SUMF1: variants seen among roughly 807,000 people sequenced by gnomAD.
The protein encoded by SUMF1 is sulfatase modifying factor 1, also known as formylglycine-generating enzyme.
A neutral mutation model predicts 47.6 loss-of-function variants in SUMF1; 48 were observed. The ratio of observed to expected loss-of-function variants is 1.01; its 90% confidence interval spans 0.80 to 1.28. The LOEUF is 1.28. Ranked by LOEUF, SUMF1 falls within the 50% of genes most tolerant of loss-of-function variation. SUMF1 has a pLI of 0.00. For synonymous variants in SUMF1, 230 were observed against 192.1 expected (o/e 1.20, Z -1.63); for missense variants, 571 against 485.4 (o/e 1.18, Z -1.66).
chr3:4,077,824 A>C (rs776117558), intron 8 of SUMF1, among the ~76,000 whole-genome samples: 6 of 152,152 alleles, frequency 3.9e-5, no homozygotes, highest in Non-Finnish European at 7.4e-5. Flanking sequence ...ACTGGCATTA[A>C]ACTATATAAG....
intron 8 of SUMF1, among the ~76,000 whole-genome samples, chr3:4,112,092 A>G (rs1169428782): frequency 1.3e-5 from 2 of 152,054 alleles, no homozygotes; most frequent in Non-Finnish European, 2.9e-5. Context: ...TTCTAATCTG[A>G]GACAAAAAGA....
At chr3:4,074,344 G>T (rs939806575) in intron 8 of SUMF1, among the ~76,000 whole-genome samples, 1 of 152,156 alleles carries the variant, frequency 6.6e-6, no homozygotes, top group Non-Finnish European at 1.5e-5. Flanking sequence ...AAAGCAGTGT[G>T]TAGAGGGAAA....
intron 3 of SUMF1, among the ~76,000 whole-genome samples, chr3:4,439,707 T>C (rs986602256): frequency 1.3e-5 from 2 of 151,780 alleles, no homozygotes; most frequent in African/African-American, 4.8e-5. Context: ...CTTTCTTAAA[T>C]TTCTTTTTAT....
Position 4,361,619 on chromosome 3 carries a change from G to A in SUMF1, c.*525C>T. The A allele has an allele frequency of 6.0e-6, 1 of 165,842 alleles. No homozygotes were observed. The highest frequency in any genetic ancestry group is 1.3e-5 in the Non-Finnish European group (1 of 75,014). 10.3% of individuals were successfully genotyped at this position (165,842 alleles called of 1,614,324 possible). A position where few individuals can be genotyped will look rare whatever the true frequency, so the allele number is the denominator to read the frequency against. On this transcript the variant is annotated 3_prime_UTR_variant, in exon 9 of 9. Transcript: ENST00000272902. The stretch of plus-strand genomic sequence containing the variant: ...ACATAAGAGAACTCTTACTTTACAT[G>A]ATTAGTATCACTCAAGGTTCACACA...
intron 9 of SUMF1, among the ~76,000 whole-genome samples, chr3:4,056,357 C>A (rs1345438352): frequency 6.6e-6 from 1 of 151,986 alleles, no homozygotes; most frequent in Non-Finnish European, 1.5e-5. Flanking sequence ...AAATAAATCC[C>A]AAAATTAAAT....
intron 7 of SUMF1, among the ~76,000 whole-genome samples, chr3:4,380,250 T>C (rs529580925): frequency 6.6e-6 from 1 of 152,326 alleles, no homozygotes; most frequent in African/African-American, 2.4e-5. Context: ...TAAAAAAGAA[T>C]GACTCATGTC....
At chr3:4,153,522 GTT>G (rs66765266) in intron 8 of SUMF1, among the ~76,000 whole-genome samples, 12 of 145,536 alleles carry the variant, frequency 8.2e-5, no homozygotes, top group South Asian at 2.2e-4. Context: ...CGCCTTGTAG[GTT>G]TTTTTTTTTT....
chr3:4,304,682 C>G (rs1698112935), intron 8 of SUMF1, among the ~76,000 whole-genome samples: 1 of 152,178 alleles, frequency 6.6e-6, no homozygotes, highest in East Asian at 1.9e-4. Context: ...TCTGCCCTTT[C>G]TTTTTCCTAG....
At chr3:4,217,973 G>C (rs886928494) in intron 8 of SUMF1, among the ~76,000 whole-genome samples, 1 of 152,048 alleles carries the variant, frequency 6.6e-6, no homozygotes, top group Admixed American at 6.6e-5. Context: ...TGTTACTTCA[G>C]TCAAAACATT....
intron 8 of SUMF1, among the ~76,000 whole-genome samples, chr3:4,338,279 T>G (rs756447908): frequency 6.7e-6 from 1 of 149,062 alleles, no homozygotes; most frequent in Non-Finnish European, 1.5e-5. Flanking sequence ...GTCTCTTTAT[T>G]AAAAAGAAAA....
intron 8 of SUMF1, among the ~76,000 whole-genome samples, chr3:4,326,187 C>T (rs1338635220): frequency 6.6e-6 from 1 of 152,182 alleles, no homozygotes; most frequent in Non-Finnish European, 1.5e-5. Context: ...CACAGAAAGA[C>T]CAATTTATTT....
At position 4,255,796 on chromosome 3, in the gene SUMF1, A is replaced by G. The variant is rs1265883406; in HGVS notation, c.1014+120534T>C. On this transcript the variant is annotated intron_variant and NMD_transcript_variant, in intron 8 of 12. Transcript: ENST00000448413. ...GACATCTACAGAACTCTCCACCCCA[A>G]ATCAACAGAATATACATTTTTTTCA... Among the ~76,000 whole-genome samples, 5 of 104,566 alleles carry G rather than the reference A, an allele frequency of 4.8e-5. 1 individual carries two copies. The highest frequency in any genetic ancestry group is 1.8e-4 in the Admixed American group (2 of 10,882). The allele number at this position is 104,566 out of a possible 152,430, so 68.6% of individuals were successfully genotyped here.
chr3:4,158,002 A>G (rs887052229), intron 8 of SUMF1, among the ~76,000 whole-genome samples: 3 of 151,518 alleles, frequency 2.0e-5, no homozygotes, highest in Non-Finnish European at 2.9e-5. Flanking sequence ...AAAAGCATTT[A>G]TTTCATTTAA....
intron 8 of SUMF1, among the ~76,000 whole-genome samples, chr3:4,136,254 C>T (rs1274951951): frequency 3.3e-5 from 5 of 152,146 alleles, no homozygotes; most frequent in Non-Finnish European, 7.4e-5. Context: ...ACCAAAACAG[C>T]ATGGTACTGG....
chr3:4,413,615 A>ATGAAT (rs1249390899), intron 6 of SUMF1, among the ~76,000 whole-genome samples: 16 of 152,218 alleles, frequency 1.1e-4, no homozygotes, highest in African/African-American at 3.9e-4. Flanking sequence ...CTCCTGGCAC[A>ATGAAT]TTTTCAGATG....
intron 8 of SUMF1, among the ~76,000 whole-genome samples, chr3:4,322,242 T>C (rs550985621): frequency 1.3e-5 from 2 of 152,278 alleles, no homozygotes; most frequent in East Asian, 1.9e-4. Flanking sequence ...CTATGGTCTT[T>C]AGTTAATGAT....
chr3:4,335,960 C>CAAAAAAAAACAA (rs1553558763), intron 8 of SUMF1, among the ~76,000 whole-genome samples: 4 of 73,898 alleles, frequency 5.4e-5, no homozygotes, highest in Non-Finnish European at 9.3e-5. Flanking sequence ...GATTCCAACT[C>CAAAAAAAAACAA]AAAAAAAAAA....
intron 8 of SUMF1, among the ~76,000 whole-genome samples, chr3:4,253,727 C>A (rs1273214403): frequency 1.4e-5 from 2 of 147,658 alleles, no homozygotes; most frequent in Non-Finnish European, 3.0e-5. Flanking sequence ...GTAAACAAAG[C>A]AGCCAGGAAG....
At chr3:4,208,195 A>C (rs1172747173) in intron 8 of SUMF1, among the ~76,000 whole-genome samples, 1 of 152,096 alleles carries the variant, frequency 6.6e-6, no homozygotes, top group African/African-American at 2.4e-5. Context: ...AGCCAATTCT[A>C]GCCTTCCACA....
Sources: gnomAD v4.1 joint callset for allele counts (sites outside exome capture counted in the v4.1 genomes callset) on GRCh38, gnomAD v4.1.1 for gene constraint, MANE v1.5 for transcripts, NCBI Gene and HGNC (gene_info 2026-07-23, HGNC 2026-07-21) for gene names.